Variants in MAP3K13 observed in about 807,000 individuals in gnomAD.
The protein encoded by MAP3K13 is mitogen-activated protein kinase kinase kinase 13, also known as leucine zipper-bearing kinase.
Under a neutral mutation model 104.0 loss-of-function variants are expected in MAP3K13, and 52 were observed. The observed-to-expected ratio is 0.50, with a 90% CI of 0.40 to 0.63. The LOEUF is 0.63. Ranked by LOEUF, MAP3K13 falls within the 20% of genes least tolerant of loss-of-function variation. MAP3K13 has a pLI of 0.00. For synonymous variants in MAP3K13, 394 were observed against 442.2 expected (o/e 0.89, Z 1.37); for missense variants, 914 against 1,218.5 (o/e 0.75, Z 3.72).
intron 2 of MAP3K13, among the ~76,000 whole-genome samples, chr3:185,349,270 T>C (rs1329580606): frequency 1.3e-5 from 2 of 152,152 alleles, no homozygotes; most frequent in African/African-American, 2.4e-5. Context: ...TTTCAGTCCT[T>C]GCTCTCCTCC....
At chr3:185,377,880 G>A (rs1034580378) in intron 1 of MAP3K13, among the ~76,000 whole-genome samples, 62 of 152,352 alleles carry the variant, frequency 4.1e-4, no homozygotes, top group African/African-American at 1.4e-3. Flanking sequence ...GCTGCCGGGC[G>A]AGTTGGACAG....
intron 1 of MAP3K13, among the ~76,000 whole-genome samples, chr3:185,364,908 A>G (rs1473958479): frequency 6.6e-6 from 1 of 152,162 alleles, no homozygotes; most frequent in African/African-American, 2.4e-5. Context: ...TTTTTTGTAT[A>G]TCTTCAGAGA....
At chr3:185,329,893 CT>C (rs71162293) in intron 2 of MAP3K13, among the ~76,000 whole-genome samples, 244 of 104,664 alleles carry the variant, frequency 2.3e-3, no homozygotes, top group African/African-American at 7.9e-3. Context: ...AGCCAGTAGC[CT>C]TTTTTTTTTT....
Position 185,428,969 on chromosome 3 carries a change from T to C in MAP3K13, c.388T>C (p.Phe130Leu). ...CAGGTCAGGCAGTGGCAGTGGTGGG[T>C]TTCTTGAAGGACTATTTGGATGCTT... The part of the protein sequence containing the change: ...FSRSGSGSGG[F>L]LEGLFGCLRP... Residue 130 changes from phenylalanine (F) to leucine (L), a missense_variant, in exon 2 of 14, where the codon TTT (phenylalanine) becomes CTT (leucine). By Grantham distance (22) the Phe-to-Leu change is conservative. Around this residue, in one of 3 missense-constraint regions of MAP3K13, gnomAD observed 175 missense variants for 321.3 expected, o/e 0.54. Coordinates refer to ENST00000265026, the MANE Select transcript of MAP3K13 (RefSeq NM_004721.5). The C allele has an allele frequency of 6.2e-7, 1 of 1,614,048 alleles. No individual in the cohort carries two copies. The highest frequency in any genetic ancestry group is 1.1e-5 in the South Asian group (1 of 91,068).
chr3:185,421,939 C>T (rs1016167049), intron 1 of MAP3K13, among the ~76,000 whole-genome samples: 13 of 152,114 alleles, frequency 8.5e-5, no homozygotes, highest in Non-Finnish European at 1.8e-4. Flanking sequence ...TCCCTTTGTT[C>T]TTGTACCTCT....
Position 185,428,877 on chromosome 3 carries a change from A to G in MAP3K13, c.296A>G (p.Gln99Arg), listed in dbSNP as rs1208061276. Residue 99 changes from glutamine (Q) to arginine (R), a missense_variant, in exon 2 of 14, where the codon CAG (glutamine) becomes CGG (arginine). Physicochemically the swap from Gln to Arg is conservative, Grantham distance 43. Transcript: ENST00000265026. ...GATGAATCAGAGACGGCGGTGTCTC[A>G]GGGGAACAGCAACACGGTGGACGGA... ...EHDESETAVS[Q>R]GNSNTVDGES... 6.2e-7 allele frequency: 1 copy of G among 1,614,166 alleles called. No homozygotes were observed. Among genetic ancestry groups the G allele is most frequent in the South Asian group, 1.1e-5 (1 of 91,080 alleles).
intron 4 of MAP3K13, among the ~76,000 whole-genome samples, chr3:185,447,296 G>C (rs1715641178): frequency 1.3e-5 from 2 of 151,662 alleles, no homozygotes; most frequent in South Asian, 4.2e-4. Flanking sequence ...TTCGAGACCA[G>C]CCTGGCCAAC....
chr3:185,432,259 T>C (rs964271469), intron 2 of MAP3K13, among the ~76,000 whole-genome samples: 1 of 150,308 alleles, frequency 6.7e-6, no homozygotes, highest in African/African-American at 2.5e-5. Context: ...GGTGTGATCT[T>C]GGCTCACTGC....
At chr3:185,410,036 C>A (rs1713341950) in intron 1 of MAP3K13, among the ~76,000 whole-genome samples, 1 of 152,134 alleles carries the variant, frequency 6.6e-6, no homozygotes, top group Admixed American at 6.5e-5. Flanking sequence ...CTCGAATGTG[C>A]AGTTCACAAT....
At chr3:185,465,415 T>C (rs1420738457) in intron 8 of MAP3K13, among the ~76,000 whole-genome samples, 2 of 152,250 alleles carry the variant, frequency 1.3e-5, no homozygotes, top group Non-Finnish European at 2.9e-5. Flanking sequence ...GATCATGGTG[T>C]TGGCTTTAAC....
chr3:185,330,953 T>G (rs73887867), intron 2 of MAP3K13, among the ~76,000 whole-genome samples: 273 of 152,168 alleles, frequency 1.8e-3, no homozygotes, highest in African/African-American at 6.4e-3. Flanking sequence ...CTCTTCCCCC[T>G]CATTGTTTCT....
In MAP3K13 at chr3:185,482,063, G is replaced by A. The variant is rs544888729; in HGVS notation, c.2800-292G>A. On this transcript the variant is annotated intron_variant, in intron 13 of 13. Transcript: ENST00000265026. The surrounding 1 kb of genome is among the most constrained non-coding windows in gnomAD (Gnocchi z 4.5). ...CGTGCCACTGCACTCCAGCCTGGGC[G>A]ACAGAGTGAGACTCCATCTCTAAAT... Among the ~76,000 whole-genome samples, 8 of 152,342 alleles carry A rather than the reference G, an allele frequency of 5.3e-5. No individual in the cohort carries two copies. The highest frequency in any genetic ancestry group is 1.2e-4 in the Non-Finnish European group (8 of 68,036).
chr3:185,318,747 T>C (rs1721760626), intron 2 of MAP3K13, among the ~76,000 whole-genome samples: 1 of 152,248 alleles, frequency 6.6e-6, no homozygotes, highest in Admixed American at 6.5e-5. Flanking sequence ...GATACATTCA[T>C]TGTCTACTTT....
At chr3:185,323,931 A>G (rs553869626) in intron 2 of MAP3K13, among the ~76,000 whole-genome samples, 1 of 152,342 alleles carries the variant, frequency 6.6e-6, no homozygotes, top group Non-Finnish European at 1.5e-5. Context: ...GTGAAAATAT[A>G]GGTTAAGATG....
chr3:185,291,659 A>G, intron 2 of MAP3K13: 1 of 1,532,612 alleles, frequency 6.5e-7, no homozygotes, highest in Non-Finnish European at 8.7e-7. Flanking sequence ...ATCATTATGC[A>G]TTCAAGATTT....
intron 2 of MAP3K13, among the ~76,000 whole-genome samples, chr3:185,310,379 C>A (rs901089335): frequency 2.0e-5 from 3 of 151,752 alleles, no homozygotes; most frequent in South Asian, 2.1e-4. Flanking sequence ...TGAAAAAAAA[C>A]ACAACCATTT....
At chr3:185,292,591 A>G (rs1373330897) in intron 2 of MAP3K13, 1 of 921,186 alleles carries the variant, frequency 1.1e-6, no homozygotes, top group African/African-American at 1.8e-5. Flanking sequence ...AATGTACATG[A>G]AAAGACATAT....
intron 1 of MAP3K13, among the ~76,000 whole-genome samples, chr3:185,395,647 C>G (rs1184635712): frequency 6.6e-6 from 1 of 150,820 alleles, no homozygotes; most frequent in Non-Finnish European, 1.5e-5. Context: ...CGTGAGCCAC[C>G]GTGCCCGGCC....
intron 1 of MAP3K13, among the ~76,000 whole-genome samples, chr3:185,398,859 T>C (rs534948106): frequency 2.6e-5 from 4 of 152,380 alleles, no homozygotes; most frequent in East Asian, 1.9e-4. Flanking sequence ...AAATAATAGC[T>C]GGTCTGAAAT....
Sources: gnomAD v4.1 joint callset for allele counts (sites outside exome capture counted in the v4.1 genomes callset) on GRCh38, gnomAD v4.1.1 for gene constraint, gnomAD v4.1.1 regional missense constraint, Gnocchi (gnomAD v3.1) non-coding constraint, MANE v1.5 for transcripts, NCBI Gene and HGNC (gene_info 2026-07-23, HGNC 2026-07-21) for gene names.